The following CASS4 variants were observed in gnomAD, a reference collection of about 807,000 sequenced individuals.
CASS4 encodes cas scaffolding protein family member 4.
Under a neutral mutation model 54.2 loss-of-function variants are expected in CASS4, and 22 were observed. That is an observed-to-expected ratio of 0.41 (90% CI 0.29 to 0.58). The LOEUF is 0.58. Among genes scored for constraint, CASS4 ranks in the 20% least tolerant of loss-of-function variants. The pLI is 0.36. For missense variants in CASS4, 854 were observed against 986.7 expected, an observed-to-expected ratio of 0.87 and a Z score of 1.80; for synonymous variants, 409 against 391.5, an observed-to-expected ratio of 1.04 and a Z score of -0.53.
rs755326072 is a variant in CASS4 at position 56,452,641 on chromosome 20, T to A, written c.1465T>A (p.Ser489Thr). The change falls in exon 5 of 6, where the codon TCT becomes ACT. Residue 489 changes from serine (S) to threonine (T), a missense_variant. Coordinates refer to ENST00000679887, the MANE Select transcript of CASS4 (RefSeq NM_020356.4). ...CAGGTCCACTGATCACATAGAAGAATCTGTAAGAGAATTTCTGGATTTTGC... is the reference window on the plus strand; with the variant it reads ...CAGGTCCACTGATCACATAGAAGAAACTGTAAGAGAATTTCTGGATTTTGC... The part of the protein sequence containing the change: ...IHRSTDHIEE[S>T]VREFLDFARG... The A allele has an allele frequency of 6.2e-7, 1 of 1,614,144 alleles. No individual in the cohort carries two copies. The highest frequency in any genetic ancestry group is 1.1e-5 in the South Asian group (1 of 91,084).
chr20:56,446,818 A>G (rs1056791629), intron 3 of CASS4, among the ~76,000 whole-genome samples: 1 of 152,186 alleles, frequency 6.6e-6, no homozygotes, highest in Non-Finnish European at 1.5e-5. Context: ...AAAAGCCCTC[A>G]GGTGATTGTA....
Position 56,431,873 on chromosome 20 carries a change from A to G in CASS4, c.37-5291A>G, listed in dbSNP as rs34251812. 8.1e-3 allele frequency among the ~76,000 whole-genome samples: 1,235 copies of G among 152,360 alleles called. 127 individuals are homozygous for G. The East Asian group carries it at 0.21, about 26-fold the overall frequency. The stretch of plus-strand genomic sequence containing the variant: ...CATGGGAATTACGATGAAATATACC[A>G]TAATTATTTCATTATAGCCTCTGCA... On this transcript the variant is annotated intron_variant, in intron 1 of 5. Transcript: ENST00000679887.
At chr20:56,431,154 G>C (rs1210165847) in intron 1 of CASS4, among the ~76,000 whole-genome samples, 2 of 152,160 alleles carry the variant, frequency 1.3e-5, no homozygotes, top group African/African-American at 2.4e-5. Context: ...CTGACCCTCA[G>C]TTCTCTCATC....
At chr20:56,433,068 G>C (rs552372378) in intron 1 of CASS4, among the ~76,000 whole-genome samples, 2 of 152,244 alleles carry the variant, frequency 1.3e-5, no homozygotes, top group African/African-American at 4.8e-5. Context: ...CTCTGTCCTG[G>C]ATCATGGGAC....
intron 2 of CASS4, among the ~76,000 whole-genome samples, chr20:56,443,480 A>AG (rs1555805769): frequency 8.6e-5 from 13 of 151,386 alleles, no homozygotes; most frequent in South Asian, 4.2e-4. Context: ...AAAAAAAAAA[A>AG]GAAGCTTGGA....
In CASS4 at chr20:56,445,948, C is replaced by T; in HGVS notation, c.508C>T (p.Pro170Ser). Residue 170 changes from proline (P) to serine (S), a missense_variant, in exon 3 of 6, where the codon CCT becomes TCT. By Grantham distance (74) the Pro-to-Ser change is moderately conservative. Coordinates refer to ENST00000679887, the MANE Select transcript of CASS4 (RefSeq NM_020356.4). Reference protein sequence around the residue: ...RPVRASLPTLPSQVYDVPTQH... With the variant: ...RPVRASLPTLSSQVYDVPTQH... Reference sequence around the variant, plus strand: ...TGTCCGGGCCTCACTGCCGACTCTGCCTTCCCAGGTGTATGACGTGCCTAC... The same window carrying T: ...TGTCCGGGCCTCACTGCCGACTCTGTCTTCCCAGGTGTATGACGTGCCTAC... 3 of 1,614,046 alleles carry T rather than the reference C, an allele frequency of 1.9e-6. No individual in the cohort carries two copies. Among genetic ancestry groups the T allele is most frequent in the Non-Finnish European group, 2.5e-6 (3 of 1,180,028 alleles).
chr20:56,416,238 C>T (rs771085528), intron 1 of CASS4, among the ~76,000 whole-genome samples: 26 of 152,116 alleles, frequency 1.7e-4, no homozygotes, highest in Admixed American at 5.9e-4. Context: ...TTAGTAGAGA[C>T]GGGTTTTCAC....
chr20:56,433,487 T>C (rs572772656), intron 1 of CASS4, among the ~76,000 whole-genome samples: 1 of 152,056 alleles, frequency 6.6e-6, no homozygotes, highest in South Asian at 2.1e-4. Context: ...GTCCAAAGGG[T>C]AATAGGGAGC....
intron 4 of CASS4, among the ~76,000 whole-genome samples, chr20:56,451,575 G>C (rs948154856): frequency 2.6e-5 from 4 of 152,184 alleles, no homozygotes; most frequent in African/African-American, 9.7e-5. Flanking sequence ...TCAGTGTTCT[G>C]AGTTCAGGGG....
rs543796905 is a variant in CASS4, at chr20:56,414,555, G to A, written c.36+2061G>A. ...CAGCCTCCCAAGTACAGGATTACAG[G>A]TGCACACCACCGAGCCCCACTGCAA... On this transcript the variant is annotated intron_variant, in intron 1 of 5. Coordinates refer to ENST00000679887, the MANE Select transcript of CASS4 (RefSeq NM_020356.4). This position sits in a 1 kb window ranked among gnomAD's most constrained non-coding sequence, Gnocchi z 4.1. Among the ~76,000 whole-genome samples, 18 of 151,950 alleles carry A rather than the reference G, an allele frequency of 1.2e-4. No individual in the cohort carries two copies. The highest frequency in any genetic ancestry group is 3.6e-4 in the African/African-American group (15 of 41,428).
At chr20:56,438,412 C>T (rs929365287) in intron 2 of CASS4, among the ~76,000 whole-genome samples, 2 of 148,830 alleles carry the variant, frequency 1.3e-5, no homozygotes, top group African/African-American at 2.6e-5. Flanking sequence ...GCATAGAAAA[C>T]TCAAAGAGGC....
chr20:56,451,298 C>T (rs1441525239), intron 4 of CASS4, among the ~76,000 whole-genome samples: 2 of 152,154 alleles, frequency 1.3e-5, no homozygotes, highest in Non-Finnish European at 2.9e-5. Context: ...ACCTCAGGGG[C>T]GTGCTGTGAT....
chr20:56,456,897 G>A (rs774365582), intron 5 of CASS4, among the ~76,000 whole-genome samples: 6 of 151,540 alleles, frequency 4.0e-5, no homozygotes, highest in Non-Finnish European at 7.4e-5. Flanking sequence ...TGTTGCCAAG[G>A]CTAGTCTCAA....
At chr20:56,443,204 T>C (rs7274581) in intron 2 of CASS4, among the ~76,000 whole-genome samples, 17,375 of 151,216 alleles carry the variant, frequency 0.11, 1,571 homozygotes, top group African/African-American at 0.22. Flanking sequence ...ATTTCTGGCC[T>C]GGCGCGGTGG....
At chr20:56,443,938 G>A (rs938110690) in intron 2 of CASS4, among the ~76,000 whole-genome samples, 4 of 152,178 alleles carry the variant, frequency 2.6e-5, no homozygotes, top group African/African-American at 9.7e-5. Context: ...GGCTTCGAGA[G>A]CCTAGGATTT....
At chr20:56,439,335 A>T (rs915365924) in intron 2 of CASS4, among the ~76,000 whole-genome samples, 5 of 151,814 alleles carry the variant, frequency 3.3e-5, no homozygotes, top group Non-Finnish European at 7.4e-5. Context: ...TGCCTGGCCT[A>T]AAGTATCAAT....
At chr20:56,453,291 A>G (rs1207822554) in intron 5 of CASS4, 162 bp downstream of exon 5, 1 of 606,684 alleles carries the variant, frequency 1.6e-6, no homozygotes, top group East Asian at 2.8e-5. Context: ...TCTTGATGAA[A>G]TCTTATTAAC....
Position 56,453,211 on chromosome 20 carries a change from T to G in CASS4, c.1953+82T>G, listed in dbSNP as rs750215005. On this transcript the variant is annotated intron_variant, in intron 5 of 5. Transcript: ENST00000679887. The stretch of plus-strand genomic sequence containing the variant: ...TGGCTACTAAGATGCTGAGACTCTT[T>G]CCATAGTGTATAGGCTTTGGGGAGA... The G allele has an allele frequency of 4.0e-6, 4 of 1,007,190 alleles. 1 individual carries two copies. Among genetic ancestry groups the G allele is most frequent in the African/African-American group, 3.2e-5 (2 of 61,800 alleles). The allele number at this position is 1,007,190 out of a possible 1,614,324, so 62.4% of individuals were successfully genotyped here.
intron 5 of CASS4, chr20:56,453,559 G>A (rs1981144737): frequency 6.1e-6 from 1 of 164,806 alleles, no homozygotes; most frequent in African/African-American, 2.4e-5. Context: ...ATTGCCCATG[G>A]TCTGATCAGC....
Sources: allele counts gnomAD v4.1 joint callset (sites outside exome capture counted in the v4.1 genomes callset), GRCh38; gene constraint gnomAD v4.1.1; non-coding constraint Gnocchi (gnomAD v3.1); transcripts MANE v1.5; gene names NCBI Gene and HGNC (gene_info 2026-07-23, HGNC 2026-07-21).